GRID2: variants seen among roughly 807,000 people sequenced by gnomAD.
GRID2 encodes the protein glutamate ionotropic receptor delta type subunit 2.
GRID2 carries 33 observed loss-of-function variants against 114.8 expected under a neutral mutation model. The observed-to-expected ratio is 0.29, with a 90% confidence interval of 0.22 to 0.38. The LOEUF is 0.38. Among genes scored for constraint, GRID2 ranks in the 10% least tolerant of loss-of-function variants. The pLI, the probability that GRID2 is intolerant of heterozygous loss-of-function variation, is 1.00. For missense variants in GRID2, 1,184 were observed against 1,257.7 expected, an observed-to-expected ratio of 0.94 and a Z score of 0.89; for synonymous variants, 505 against 449.9, an observed-to-expected ratio of 1.12 and a Z score of -1.55.
intron 13 of GRID2, among the ~76,000 whole-genome samples, chr4:93,515,987 C>A (rs1191625589): frequency 6.6e-6 from 1 of 152,060 alleles, no homozygotes; most frequent in African/African-American, 2.4e-5. Context: ...ATGTGAAAAT[C>A]TTAAGGCTAT....
intron 1 of GRID2, among the ~76,000 whole-genome samples, chr4:92,365,248 G>A (rs1039084681): frequency 7.9e-5 from 12 of 152,050 alleles, no homozygotes; most frequent in Non-Finnish European, 7.4e-5. Context: ...GTCAGCAGGT[G>A]AAAGGATAAA....
At chr4:93,286,727 C>T (rs1753212469) in intron 8 of GRID2, among the ~76,000 whole-genome samples, 2 of 139,312 alleles carry the variant, frequency 1.4e-5, no homozygotes, top group South Asian at 4.2e-4. Flanking sequence ...GTGTATGTTC[C>T]CACATTAGTT....
intron 2 of GRID2, among the ~76,000 whole-genome samples, chr4:92,803,524 T>TA (rs776168894): frequency 6.6e-6 from 1 of 151,956 alleles, no homozygotes; most frequent in Non-Finnish European, 1.5e-5. Flanking sequence ...TATGTCATTA[T>TA]AAAAAAATGT....
chr4:92,316,379 G>C (rs1297767219), intron 1 of GRID2, among the ~76,000 whole-genome samples: 2 of 152,136 alleles, frequency 1.3e-5, no homozygotes, highest in East Asian at 1.9e-4. Context: ...CTGCTCTTCT[G>C]TTCTCTTGTG....
At chr4:92,517,688 C>T (rs1362545005) in intron 1 of GRID2, among the ~76,000 whole-genome samples, 2 of 151,816 alleles carry the variant, frequency 1.3e-5, no homozygotes, top group African/African-American at 2.4e-5. Flanking sequence ...TTTACCATAA[C>T]ATTTTCCAGA....
chr4:92,618,742 A>G (rs999318082), intron 2 of GRID2, among the ~76,000 whole-genome samples: 29 of 151,704 alleles, frequency 1.9e-4, no homozygotes, highest in African/African-American at 6.8e-4. Flanking sequence ...TATACACTTC[A>G]TTGAATAAAT....
At chr4:93,014,503 T>C (rs1338751274) in intron 2 of GRID2, among the ~76,000 whole-genome samples, 2 of 152,040 alleles carry the variant, frequency 1.3e-5, no homozygotes, top group African/African-American at 4.8e-5. Context: ...AATTATTACA[T>C]AGAGACAATC....
chr4:93,502,794 G>A (rs1194070819), intron 12 of GRID2, among the ~76,000 whole-genome samples: 1 of 149,154 alleles, frequency 6.7e-6, no homozygotes, highest in African/African-American at 2.5e-5. Context: ...AGATGCTAAA[G>A]AGGGATGATG....
intron 1 of GRID2, among the ~76,000 whole-genome samples, chr4:92,340,424 G>T (rs972820287): frequency 2.6e-5 from 4 of 152,106 alleles, no homozygotes; most frequent in Admixed American, 1.3e-4. Flanking sequence ...GGTGCACAAA[G>T]CCCTTCTTGA....
At chr4:93,309,007 A>C (rs1579623033) in intron 8 of GRID2, among the ~76,000 whole-genome samples, 1 of 152,316 alleles carries the variant, frequency 6.6e-6, no homozygotes, top group African/African-American at 2.4e-5. Context: ...CTCCATACAT[A>C]GACACCTCCT....
chr4:93,214,911 G>A (rs534709938), intron 5 of GRID2, among the ~76,000 whole-genome samples: 2 of 152,100 alleles, frequency 1.3e-5, no homozygotes, highest in South Asian at 2.1e-4. Context: ...ATATGGGCAT[G>A]TATAACTTCT....
chr4:93,012,009 C>T (rs1328797277), intron 2 of GRID2, among the ~76,000 whole-genome samples: 1 of 149,304 alleles, frequency 6.7e-6, no homozygotes, highest in African/African-American at 2.5e-5. Context: ...GGAATGATGA[C>T]TAGCACTGAA....
intron 10 of GRID2, among the ~76,000 whole-genome samples, chr4:93,447,294 A>G (rs1722179014): frequency 6.6e-6 from 1 of 152,032 alleles, no homozygotes; most frequent in Non-Finnish European, 1.5e-5. Context: ...TCAACTCAAT[A>G]AACAAAATAT....
At chr4:93,092,849 CACAA>C (rs1730902295) in intron 3 of GRID2, among the ~76,000 whole-genome samples, 2 of 151,894 alleles carry the variant, frequency 1.3e-5, no homozygotes, top group Admixed American at 1.3e-4. Flanking sequence ...TACATACACA[CACAA>C]ACACACACAC....
chr4:93,544,365 AT>A (rs1441759042), intron 13 of GRID2, among the ~76,000 whole-genome samples: 1 of 152,190 alleles, frequency 6.6e-6, no homozygotes, highest in African/African-American at 2.4e-5. Flanking sequence ...TCCACCACAA[AT>A]TATACATCAT....
At chr4:93,168,885 A>G (rs2149418990) in intron 4 of GRID2, among the ~76,000 whole-genome samples, 1 of 152,244 alleles carries the variant, frequency 6.6e-6, no homozygotes, top group Non-Finnish European at 1.5e-5. Flanking sequence ...AACTTGCTGC[A>G]TTTGGCTCTG....
At chr4:93,094,960 ACTT>A (rs1731075509) in intron 3 of GRID2, among the ~76,000 whole-genome samples, 1 of 152,004 alleles carries the variant, frequency 6.6e-6, no homozygotes, top group South Asian at 2.1e-4. Context: ...AAGAAATTAA[ACTT>A]CTACCTTTAG....
chr4:92,342,335 C>T (rs1727538321), intron 1 of GRID2, among the ~76,000 whole-genome samples: 1 of 151,792 alleles, frequency 6.6e-6, no homozygotes, highest in African/African-American at 2.4e-5. Context: ...TTAAAAGTCC[C>T]AAGAGAGAAT....
intron 2 of GRID2, among the ~76,000 whole-genome samples, chr4:93,040,173 C>A (rs537531020): frequency 6.6e-6 from 1 of 151,634 alleles, no homozygotes; most frequent in South Asian, 2.1e-4. Flanking sequence ...CACTCAATTT[C>A]ATTTACTTTA....
Sources: gnomAD v4.1 joint callset for allele counts (sites outside exome capture counted in the v4.1 genomes callset) on GRCh38, gnomAD v4.1.1 for gene constraint, MANE v1.5 for transcripts, NCBI Gene and HGNC (gene_info 2026-07-23, HGNC 2026-07-21) for gene names.